GATA4: variants seen among roughly 807,000 people sequenced by gnomAD.
GATA4 encodes the protein transcription factor GATA-4.
In GATA4, 7 loss-of-function variants were observed where a neutral mutation model predicts 37.9. The observed-to-expected ratio is 0.18, with a 90% CI of 0.11 to 0.35. The LOEUF is 0.35. Among genes scored for constraint, GATA4 ranks in the 10% least tolerant of loss-of-function variants. GATA4 has a pLI of 1.00. For missense variants in GATA4, 647 were observed against 653.0 expected (o/e 0.99, Z 0.10); for synonymous variants, 372 against 292.6 (o/e 1.27, Z -2.77).
rs1000319874 is a variant in GATA4 at position 11,707,960 on chromosome 8, G to C, written c.-353G>C. On this transcript the variant is annotated 5_prime_UTR_variant, in exon 2 of 7. Coordinates refer to ENST00000532059, the MANE Select transcript of GATA4 (RefSeq NM_001308093.3). The surrounding 1 kb of genome is among the most constrained non-coding windows in gnomAD (Gnocchi z 4.7). ...GGTGTGACGAGTGGGGGACCCGAAGGCTCGTGCGCCACCTCCAGGCCTGGA... is the reference window on the plus strand; with the variant it reads ...GGTGTGACGAGTGGGGGACCCGAAGCCTCGTGCGCCACCTCCAGGCCTGGA... 5 of 344,486 alleles carry C rather than the reference G, an allele frequency of 1.5e-5. No individual in the cohort carries two copies. Among genetic ancestry groups the C allele is most frequent in the African/African-American group, 1.1e-4 (5 of 45,120 alleles). The allele number at this position is 344,486 out of a possible 1,614,324, so 21.3% of individuals were successfully genotyped here. A position where few individuals can be genotyped will look rare whatever the true frequency, so the allele number is the denominator to read the frequency against.
intron 1 of GATA4, chr8:11,680,537 C>T (rs1798925215): frequency 8.1e-6 from 8 of 985,466 alleles, no homozygotes; most frequent in Middle Eastern, 5.2e-4. Flanking sequence ...GGTGTCGCGC[C>T]GACGTCCTTC....
chr8:11,706,172 A>G lies in GATA4; in HGVS notation c.-457-1684A>G, dbSNP rs74493830. The G allele has an allele frequency of 1.2e-4, 18 of 152,374 alleles. No homozygotes were observed. The East Asian group carries it at 3.5e-3, about 29-fold the overall frequency. 9.4% of individuals were successfully genotyped at this position (152,374 alleles called of 1,614,324 possible). On this transcript the variant is annotated intron_variant, in intron 1 of 6. Coordinates refer to ENST00000532059, the MANE Select transcript of GATA4 (RefSeq NM_001308093.3). ...ACCAATAAGTTATTGCATATTTTGA[A>G]AGCAAATAAGCTTTTAGGAGTTACC...
intron 2 of GATA4, among the ~76,000 whole-genome samples, chr8:11,718,941 G>T (rs1392713034): frequency 1.3e-5 from 2 of 152,224 alleles, no homozygotes; most frequent in African/African-American, 2.4e-5. Flanking sequence ...GAGCAGGTGT[G>T]GGAGTTTGAA....
At chr8:11,745,781 CTCTA>C (rs1259651589) in intron 2 of GATA4, among the ~76,000 whole-genome samples, 1 of 152,090 alleles carries the variant, frequency 6.6e-6, no homozygotes, top group African/African-American at 2.4e-5. Context: ...AGGAGTGTGA[CTCTA>C]TCTGTTAGAG....
chr8:11,710,451 A>C (rs1358380509), intron 2 of GATA4, among the ~76,000 whole-genome samples: 2 of 151,782 alleles, frequency 1.3e-5, no homozygotes, highest in Admixed American at 1.3e-4. Context: ...CTCTGACTTA[A>C]AATAGGGAGG....
At chr8:11,745,064 A>T (rs1318639098) in intron 2 of GATA4, among the ~76,000 whole-genome samples, 1 of 152,234 alleles carries the variant, frequency 6.6e-6, no homozygotes. Flanking sequence ...GATGCTCAGT[A>T]AATATTTGTT....
upstream of GATA4, among the ~76,000 whole-genome samples, chr8:11,691,068 CTGTGTGGATAAATGAT>C (rs1426455969): frequency 1.3e-5 from 2 of 152,196 alleles, no homozygotes; most frequent in African/African-American, 4.8e-5. Flanking sequence ...AATAGAGTGA[CTGTGTGGATAAATGAT>C]TGTGTGGATA....
chr8:11,712,484 G>A (rs557265642), intron 2 of GATA4, among the ~76,000 whole-genome samples: 102 of 152,180 alleles, frequency 6.7e-4, no homozygotes, highest in African/African-American at 2.3e-3. Flanking sequence ...TGAAGGGTGA[G>A]TAGGAGTTTG....
chr8:11,750,029 C>T, intron 3 of GATA4, 82 bp from the exon 4 acceptor site: 1 of 1,604,298 alleles, frequency 6.2e-7, no homozygotes, highest in Non-Finnish European at 8.5e-7. Flanking sequence ...TTAGGGAGGC[C>T]CAGCTCCGCA....
At chr8:11,757,127 C>T (rs201986489) in intron 6 of GATA4, 44 bp downstream of exon 6, 5 of 1,609,304 alleles carry the variant, frequency 3.1e-6, no homozygotes, top group Admixed American at 3.3e-5. Flanking sequence ...GTGGGGAGGC[C>T]GACTGCAGAG....
chr8:11,756,726 C>T (rs1183810750), intron 5 of GATA4: 8 of 634,628 alleles, frequency 1.3e-5, no homozygotes, highest in African/African-American at 1.8e-5. Context: ...GCCTGAAACA[C>T]ACGTGGCCTC....
Position 11,708,145 on chromosome 8 carries a change from A to T in GATA4, c.-168A>T. 1.3e-6 allele frequency: 1 copy of T among 762,508 alleles called. No individual in the cohort carries two copies. The allele number at this position is 762,508 out of a possible 1,614,324, so 47.2% of individuals were successfully genotyped here. On this transcript the variant is annotated 5_prime_UTR_variant, in exon 2 of 7. Transcript: ENST00000532059. This position sits in a 1 kb window ranked among gnomAD's most constrained non-coding sequence, Gnocchi z 6.7. ...GAGCCCTTTGCTCAATGCTGGATTT[A>T]ATACGTATATATTTTTAAGCGAGTT...
chr8:11,691,457 C>A (rs1289598370), upstream of GATA4, among the ~76,000 whole-genome samples: 1 of 152,184 alleles, frequency 6.6e-6, no homozygotes, highest in African/African-American at 2.4e-5. Flanking sequence ...CGTGCCACCA[C>A]AACCCGCTAT....
chr8:11,717,274 T>G (rs1029492290), intron 2 of GATA4, among the ~76,000 whole-genome samples: 2 of 152,212 alleles, frequency 1.3e-5, no homozygotes, highest in Non-Finnish European at 1.5e-5. Flanking sequence ...CAAAATACAT[T>G]TATAAGTTTT....
intron 2 of GATA4, among the ~76,000 whole-genome samples, chr8:11,714,538 C>T (rs1452662637): frequency 6.6e-6 from 1 of 152,142 alleles, no homozygotes; most frequent in Non-Finnish European, 1.5e-5. Flanking sequence ...TTTCCGGTTA[C>T]CACCCTGAGC....
Position 11,696,536 on chromosome 8 carries a change from C to T in GATA4, c.-729+3876C>T, listed in dbSNP as rs573205179. On this transcript the variant is annotated intron_variant, in intron 1 of 2. Transcript: ENST00000526974. ...CTTAAGGATCATTTGAGTGGTTTCCCGTTTGGGGCAATTATGAATAAAGCT... is the reference window on the plus strand; with the variant it reads ...CTTAAGGATCATTTGAGTGGTTTCCTGTTTGGGGCAATTATGAATAAAGCT... 7.9e-5 allele frequency among the ~76,000 whole-genome samples: 12 copies of T among 152,204 alleles called. No homozygotes were observed. In the South Asian group the frequency reaches 2.3e-3, roughly 29 times the overall value.
chr8:11,680,796 C>A lies in GATA4; in HGVS notation c.-274+3733C>A, dbSNP rs534739477. 2.3e-4 allele frequency: 228 copies of A among 985,386 alleles called. No individual in the cohort carries two copies. The African/African-American group carries it at 3.7e-3, about 16-fold the overall frequency. 61.0% of individuals were successfully genotyped at this position (985,386 alleles called of 1,614,324 possible). A position where few individuals can be genotyped will look rare whatever the true frequency, so the allele number is the denominator to read the frequency against. ...ATGCGAGGTGCTCACCCGCCCCTCG[C>A]CCTGCTCACCCCGACGCCTCGGTCC... On this transcript the variant is annotated intron_variant, in intron 1 of 6. Transcript: ENST00000528712.
intron 5 of GATA4, chr8:11,756,468 C>A: frequency 4.4e-6 from 1 of 226,788 alleles, no homozygotes; most frequent in Non-Finnish European, 8.9e-6. Context: ...TCCAAAATTC[C>A]AAATCCAGGA....
At chr8:11,745,793 G>T (rs765135988) in intron 2 of GATA4, among the ~76,000 whole-genome samples, 2 of 152,176 alleles carry the variant, frequency 1.3e-5, no homozygotes, top group Non-Finnish European at 2.9e-5. Context: ...CTATCTGTTA[G>T]AGGAACATAC....
Sources: gnomAD v4.1 joint callset for allele counts (sites outside exome capture counted in the v4.1 genomes callset) on GRCh38, gnomAD v4.1.1 for gene constraint, Gnocchi (gnomAD v3.1) non-coding constraint, MANE v1.5 for transcripts, NCBI Gene and HGNC (gene_info 2026-07-23, HGNC 2026-07-21) for gene names.